MECOM: variants seen among roughly 807,000 people sequenced by gnomAD.
MECOM encodes histone-lysine N-methyltransferase MECOM.
MECOM carries 13 observed loss-of-function variants against 116.3 expected under a neutral mutation model. That is an observed-to-expected ratio of 0.11 (90% CI 0.07 to 0.18). MECOM has a LOEUF of 0.18. Among genes scored for constraint, MECOM ranks in the 10% least tolerant of loss-of-function variants. MECOM has a pLI of 1.00. For synonymous variants in MECOM, 528 were observed against 535.2 expected, an observed-to-expected ratio of 0.99 and a Z score of 0.19; for missense variants, 1,299 against 1,509.0, an observed-to-expected ratio of 0.86 and a Z score of 2.31.
chr3:169,585,027 A>G (rs1274976048), intron 1 of MECOM, among the ~76,000 whole-genome samples: 5 of 152,246 alleles, frequency 3.3e-5, no homozygotes, highest in Non-Finnish European at 5.9e-5. Context: ...AGCAAGATGA[A>G]ATGGGAAAAT....
At chr3:169,620,465 C>G (rs1417694124) in intron 1 of MECOM, among the ~76,000 whole-genome samples, 3 of 152,202 alleles carry the variant, frequency 2.0e-5, no homozygotes, top group Non-Finnish European at 4.4e-5. Context: ...TTTTAGTCAT[C>G]TAATTATGAT....
intron 1 of MECOM, among the ~76,000 whole-genome samples, chr3:169,433,691 G>GAAAGAAAGAA (rs1560269034): frequency 1.5e-3 from 182 of 122,014 alleles, no homozygotes; most frequent in African/African-American, 5.2e-3. Flanking sequence ...GAAAGAAAGA[G>GAAAGAAAGAA]AAAGAAAGAA....
chr3:169,408,958 G>A (rs997813043), intron 1 of MECOM, among the ~76,000 whole-genome samples: 1 of 152,078 alleles, frequency 6.6e-6, no homozygotes, highest in Non-Finnish European at 1.5e-5. Flanking sequence ...AACCCTGTGA[G>A]TGCTTAAGAA....
chr3:169,602,370 A>G (rs1271469193), intron 1 of MECOM, among the ~76,000 whole-genome samples: 1 of 152,226 alleles, frequency 6.6e-6, no homozygotes, highest in Non-Finnish European at 1.5e-5. Flanking sequence ...AATCGGGGGA[A>G]AGGAGCCTTT....
chr3:169,357,733 CA>C (rs1389827134), intron 2 of MECOM, among the ~76,000 whole-genome samples: 1 of 151,452 alleles, frequency 6.6e-6, no homozygotes, highest in African/African-American at 2.4e-5. Context: ...TTAATTTAAC[CA>C]AAACCATTAG....
chr3:169,599,411 G>A (rs570308270), intron 1 of MECOM, among the ~76,000 whole-genome samples: 21 of 151,948 alleles, frequency 1.4e-4, no homozygotes, highest in African/African-American at 4.8e-4. Context: ...CTACTCGGGA[G>A]GCTGAGCAGG....
chr3:169,554,278 A>C (rs1761768771), intron 1 of MECOM, among the ~76,000 whole-genome samples: 1 of 152,332 alleles, frequency 6.6e-6, no homozygotes, highest in South Asian at 2.1e-4. Context: ...AGAGGCCTAC[A>C]TCAGACCACT....
At chr3:169,563,737 C>T (rs534614841) in intron 1 of MECOM, among the ~76,000 whole-genome samples, 1 of 152,150 alleles carries the variant, frequency 6.6e-6, no homozygotes, top group Non-Finnish European at 1.5e-5. Context: ...TTCACACATT[C>T]CTCTACAAAG....
At chr3:169,389,663 C>A in intron 1 of MECOM, 1 of 860,024 alleles carries the variant, frequency 1.2e-6, no homozygotes, top group Non-Finnish European at 1.4e-6. Flanking sequence ...CATGCTGCAG[C>A]AGACTGGGTG....
chr3:169,386,900 G>A (rs181300321), intron 1 of MECOM, among the ~76,000 whole-genome samples: 76 of 152,162 alleles, frequency 5.0e-4, no homozygotes, highest in Non-Finnish European at 8.5e-4. Context: ...TCACATCTCA[G>A]TTGATTACAG....
chr3:169,508,804 G>T (rs935737526), intron 1 of MECOM, among the ~76,000 whole-genome samples: 3 of 152,130 alleles, frequency 2.0e-5, no homozygotes, highest in South Asian at 2.1e-4. Flanking sequence ...CTATTACATG[G>T]CTTCTTTTAT....
At chr3:169,152,741 G>T (rs1468079843) in intron 2 of MECOM, among the ~76,000 whole-genome samples, 2 of 152,110 alleles carry the variant, frequency 1.3e-5, no homozygotes, top group African/African-American at 4.8e-5. Flanking sequence ...GATAACAAAA[G>T]TTTCCCCAGT....
chr3:169,301,548 T>G (rs1160490426), intron 2 of MECOM, among the ~76,000 whole-genome samples: 1 of 152,180 alleles, frequency 6.6e-6, no homozygotes, highest in Non-Finnish European at 1.5e-5. Flanking sequence ...TAAGATGATG[T>G]GAATGAGACC....
intron 1 of MECOM, among the ~76,000 whole-genome samples, chr3:169,438,746 C>A (rs531300362): frequency 1.2e-4 from 19 of 152,254 alleles, no homozygotes; most frequent in Admixed American, 3.3e-4. Flanking sequence ...CAGGTACTAT[C>A]GGGTTTTCTT....
chr3:169,452,191 G>T (rs78357734), intron 1 of MECOM, among the ~76,000 whole-genome samples: 6,447 of 151,978 alleles, frequency 0.042, 352 homozygotes, highest in African/African-American at 0.13. Context: ...CCCAACTACA[G>T]CTTGGTAGAC....
chr3:169,492,908 C>T (rs1244015678), intron 1 of MECOM, among the ~76,000 whole-genome samples: 3 of 151,664 alleles, frequency 2.0e-5, no homozygotes, highest in Admixed American at 6.6e-5. Flanking sequence ...TGCAATGAGC[C>T]GAGATCACAC....
chr3:169,512,722 G>C (rs1337140257), intron 1 of MECOM, among the ~76,000 whole-genome samples: 1 of 152,140 alleles, frequency 6.6e-6, no homozygotes, highest in Non-Finnish European at 1.5e-5. Context: ...ACGAAGTCTT[G>C]TCTATCTTTC....
At chr3:169,548,140 T>TACTTGAGTAATTTAACTC in intron 1 of MECOM, among the ~76,000 whole-genome samples, 1 of 152,128 alleles carries the variant, frequency 6.6e-6, no homozygotes, top group East Asian at 1.9e-4. Flanking sequence ...AGTCTTAAAT[T>TACTTGAGTAATTTAACTC]AACTACTAAC....
chr3:169,623,639 A>G (rs1771009050), intron 1 of MECOM, among the ~76,000 whole-genome samples: 1 of 152,196 alleles, frequency 6.6e-6, no homozygotes, highest in East Asian at 1.9e-4. Context: ...CATTTTCTGG[A>G]TACACATATA....
Sources: gnomAD v4.1 joint callset for allele counts (sites outside exome capture counted in the v4.1 genomes callset) on GRCh38, gnomAD v4.1.1 for gene constraint, MANE v1.5 for transcripts, NCBI Gene and HGNC (gene_info 2026-07-23, HGNC 2026-07-21) for gene names.